CUX1: variants seen among roughly 807,000 people sequenced by gnomAD.
CUX1 encodes the protein protein CASP.
Under a neutral mutation model 158.8 loss-of-function variants are expected in CUX1, and 31 were observed. That is an observed-to-expected ratio of 0.20 (90% confidence interval 0.15 to 0.26). The LOEUF (loss-of-function observed/expected upper bound fraction) is 0.26, where lower values mean the gene tolerates loss of function less well. Among genes scored for constraint, CUX1 ranks in the 10% least tolerant of loss-of-function variants. The probability of loss-of-function intolerance (pLI) is 1.00; values close to 1 mark genes in which losing one functional copy is unlikely to be tolerated. For synonymous variants in CUX1, 879 were observed against 862.1 expected, an observed-to-expected ratio of 1.02 and a Z score of -0.34; for missense variants, 1,589 against 2,014.6, an observed-to-expected ratio of 0.79 and a Z score of 4.04.
intron 7 of CUX1, chr7:102,112,070 C>T: frequency 4.0e-6 from 1 of 248,990 alleles, no homozygotes; most frequent in Non-Finnish European, 7.7e-6. Context: ...AATCACCAAA[C>T]TGTCAAGGAC....
intron 23 of CUX1, among the ~76,000 whole-genome samples, chr7:102,242,225 T>TTTC (rs1800309266): frequency 6.8e-6 from 1 of 148,134 alleles, no homozygotes; most frequent in South Asian, 2.2e-4. Context: ...TTTTTTTTTT[T>TTTC]TTCTGAGACA....
Position 102,252,239 on chromosome 7 carries a change from C to G in CUX1, c.*3197C>G. On this transcript the variant is annotated 3_prime_UTR_variant, in exon 24 of 24. Transcript: ENST00000292535. Reference sequence around the variant, plus strand: ...ACAGCAATCCGTGGCCAGGGGAGCACCCCCTCCTGGTTGGGCCCCTCAGTT... The same window carrying G: ...ACAGCAATCCGTGGCCAGGGGAGCAGCCCCTCCTGGTTGGGCCCCTCAGTT... The G allele has an allele frequency of 2.0e-6, 2 of 985,418 alleles. No homozygotes were observed. Among genetic ancestry groups the G allele is most frequent in the Non-Finnish European group, 2.4e-6 (2 of 829,942 alleles). 61.0% of individuals were successfully genotyped at this position (985,418 alleles called of 1,614,324 possible).
intron 1 of CUX1, among the ~76,000 whole-genome samples, chr7:101,842,983 A>G (rs1020059584): frequency 2.7e-5 from 4 of 146,708 alleles, no homozygotes; most frequent in Admixed American, 7.0e-5. Flanking sequence ...CTCCTGCCTC[A>G]GCCTCCTGAG....
chr7:101,960,897 G>A (rs1225733706), intron 2 of CUX1: 1 of 152,210 alleles, frequency 6.6e-6, no homozygotes, highest in East Asian at 1.9e-4. Context: ...AGTGCCCTGT[G>A]ATTAGAAGGT....
Position 102,254,790 on chromosome 7 carries a change from A to G in CUX1, c.*5748A>G, listed in dbSNP as rs959373873. ...CCTGAGGCCAGTGTGATGTGGTTGG[A>G]TCTCAGCGTGTACTGAATGCCAGTC... On this transcript the variant is annotated 3_prime_UTR_variant, in exon 24 of 24. Transcript: ENST00000292535. The G allele has an allele frequency of 1.0e-5, 10 of 985,476 alleles. No individual in the cohort carries two copies. Among genetic ancestry groups the G allele is most frequent in the Non-Finnish European group, 1.1e-5 (9 of 829,976 alleles). 61.0% of individuals were successfully genotyped at this position (985,476 alleles called of 1,614,324 possible).
At chr7:101,834,237 T>G (rs1436277578) in intron 1 of CUX1, among the ~76,000 whole-genome samples, 2 of 135,490 alleles carry the variant, frequency 1.5e-5, no homozygotes, top group East Asian at 5.1e-4. Context: ...GCAGTGGCAC[T>G]ATCTCAGCCC....
chr7:101,817,739 C>T lies in CUX1; in HGVS notation c.30+70C>T. 9 of 1,531,438 alleles carry T rather than the reference C, an allele frequency of 5.9e-6. No homozygotes were observed. In the South Asian group the frequency reaches 9.7e-5, roughly 16 times the overall value. 94.9% of individuals were successfully genotyped at this position (1,531,438 alleles called of 1,614,324 possible). A position where few individuals can be genotyped will look rare whatever the true frequency, so the allele number is the denominator to read the frequency against. On this transcript the variant is annotated intron_variant, in intron 1 of 23. Coordinates refer to ENST00000292535, the MANE Select transcript of CUX1 (RefSeq NM_181552.4). The surrounding 1 kb of genome is among the most constrained non-coding windows in gnomAD (Gnocchi z 4.1). ...GGGAACCGGGGATGTCGGGGGGTGC[C>T]CGGGTCCCGCGGCTTAGAATGCTCT...
intron 1 of CUX1, among the ~76,000 whole-genome samples, chr7:101,832,440 G>A (rs1452430875): frequency 2.6e-5 from 4 of 152,218 alleles, no homozygotes; most frequent in Non-Finnish European, 4.4e-5. Flanking sequence ...AGCACCTGCG[G>A]TGCAGGGGGC....
rs186542638 is a variant in CUX1 at position 102,277,906 on chromosome 7, G to A, written c.1564-43G>A. 4.6e-3 allele frequency: 5,539 copies of A among 1,196,178 alleles called. 46 individuals carry two copies. Among genetic ancestry groups the A allele is most frequent in the Middle Eastern group, 0.011 (38 of 3,592 alleles). The allele number at this position is 1,196,178 out of a possible 1,614,324, so 74.1% of individuals were successfully genotyped here. A position where few individuals can be genotyped will look rare whatever the true frequency, so the allele number is the denominator to read the frequency against. On this transcript the variant is annotated intron_variant, in intron 17 of 22. Transcript: ENST00000292538. ...GACGGAGCAGCACCTGTGCCAGCACGGAGGCCTCTCCCCCACCCCTTTCCT... is the reference window on the plus strand; with the variant it reads ...GACGGAGCAGCACCTGTGCCAGCACAGAGGCCTCTCCCCCACCCCTTTCCT...
intron 3 of CUX1, among the ~76,000 whole-genome samples, chr7:102,061,540 T>C (rs940766057): frequency 2.6e-5 from 4 of 152,242 alleles, no homozygotes; most frequent in Middle Eastern, 6.8e-3. Flanking sequence ...ACTTTGCAGA[T>C]GAAAAAACTG....
chr7:101,942,185 GAA>G (rs1251489471), intron 2 of CUX1, among the ~76,000 whole-genome samples: 1 of 152,148 alleles, frequency 6.6e-6, no homozygotes, highest in African/African-American at 2.4e-5. Context: ...GACTAAGAGA[GAA>G]AAAGACTACT....
intron 8 of CUX1, among the ~76,000 whole-genome samples, chr7:102,144,678 A>AAC (rs1166073317): frequency 6.6e-6 from 1 of 151,422 alleles, no homozygotes; most frequent in African/African-American, 2.4e-5. Flanking sequence ...CTCAAAAAAA[A>AAC]AAAAAAACAG....
intron 5 of CUX1, 35 bp from the exon 6 acceptor site, chr7:102,104,301 C>T (rs1158428288): frequency 6.4e-7 from 1 of 1,566,290 alleles, no homozygotes; most frequent in Admixed American, 1.9e-5. Flanking sequence ...TTGTATGCTT[C>T]TCTTACTGTA....
Position 101,878,528 on chromosome 7 carries a change from G to A in CUX1, c.31-37587G>A, listed in dbSNP as rs1642053681. ...CCCACAATTACTGCGTCGCTGCTGGGGTCTGGCAAAGCTCACCTTGATGCA... is the reference window on the plus strand; with the variant it reads ...CCCACAATTACTGCGTCGCTGCTGGAGTCTGGCAAAGCTCACCTTGATGCA... On this transcript the variant is annotated intron_variant, in intron 1 of 23. Transcript: ENST00000292535. 2.0e-5 allele frequency among the ~76,000 whole-genome samples: 3 copies of A among 152,234 alleles called. No individual in the cohort carries two copies. In the South Asian group the frequency reaches 6.2e-4, roughly 32 times the overall value.
chr7:102,040,334 A>C (rs887464382), intron 3 of CUX1, among the ~76,000 whole-genome samples: 10 of 152,286 alleles, frequency 6.6e-5, no homozygotes, highest in Non-Finnish European at 1.2e-4. Flanking sequence ...CAGAGCTGGG[A>C]AAGAGCAGCA....
chr7:101,978,745 G>A (rs753328310), intron 2 of CUX1, among the ~76,000 whole-genome samples: 23 of 152,158 alleles, frequency 1.5e-4, no homozygotes, highest in Middle Eastern at 3.2e-3. Flanking sequence ...TCTGCGCCCC[G>A]TGGCTTCTTC....
intron 8 of CUX1, among the ~76,000 whole-genome samples, chr7:102,125,991 C>A (rs1450056696): frequency 6.6e-6 from 1 of 151,618 alleles, no homozygotes; most frequent in East Asian, 1.9e-4. Flanking sequence ...TTTTACATGA[C>A]ATTATTTTCC....
chr7:101,890,171 C>T (rs901267752), intron 1 of CUX1, among the ~76,000 whole-genome samples: 27 of 152,160 alleles, frequency 1.8e-4, no homozygotes, highest in African/African-American at 4.8e-4. Context: ...GTGGGATAAT[C>T]GGTGTCTTGG....
chr7:102,256,146 T>A lies in CUX1; in HGVS notation c.*7104T>A. ...CGGGCTCTGGCCGGAGCCGCTGGCC[T>A]GACGAGGCAGGATAGGGAGTATCCG... On this transcript the variant is annotated 3_prime_UTR_variant, in exon 24 of 24. Coordinates refer to ENST00000292535, the MANE Select transcript of CUX1 (RefSeq NM_181552.4). 1 of 985,434 alleles carries A rather than the reference T, an allele frequency of 1.0e-6. No individual in the cohort carries two copies. The highest frequency in any genetic ancestry group is 1.2e-6 in the Non-Finnish European group (1 of 829,942). The allele number at this position is 985,434 out of a possible 1,614,324, so 61.0% of individuals were successfully genotyped here. A position where few individuals can be genotyped will look rare whatever the true frequency, so the allele number is the denominator to read the frequency against.
Sources: gnomAD v4.1 joint callset for allele counts (sites outside exome capture counted in the v4.1 genomes callset) on GRCh38, gnomAD v4.1.1 for gene constraint, Gnocchi (gnomAD v3.1) non-coding constraint, MANE v1.5 for transcripts, NCBI Gene and HGNC (gene_info 2026-07-23, HGNC 2026-07-21) for gene names.